Variants in MIB1 observed in about 807,000 individuals in gnomAD.
The protein encoded by MIB1 is E3 ubiquitin-protein ligase MIB1.
A neutral mutation model predicts 124.5 loss-of-function variants in MIB1; 278 were observed. The observed-to-expected ratio is 2.23, with a 90% CI of 2.02 to 2.47. The LOEUF is 2.47. Among genes scored for constraint, MIB1 ranks in the 30% most tolerant of loss-of-function variants. The pLI, the probability that MIB1 is intolerant of heterozygous loss-of-function variation, is 0.00. For synonymous variants in MIB1, 446 were observed against 429.4 expected (o/e 1.04, Z -0.48); for missense variants, 957 against 1,254.4 (o/e 0.76, Z 3.58).
At chr18:21,743,892 CTT>C (rs2040883994) in intron 1 of MIB1, among the ~76,000 whole-genome samples, 1 of 152,004 alleles carries the variant, frequency 6.6e-6, no homozygotes, top group East Asian at 1.9e-4. Flanking sequence ...GTTTTATTAT[CTT>C]AATATAAACG....
chr18:21,791,477 C>A lies in MIB1; in HGVS notation c.1012C>A (p.Leu338Ile). Residue 338 changes from leucine to isoleucine, a missense_variant, in exon 7 of 21, where the codon CTT becomes ATT. Coordinates refer to ENST00000261537, the MANE Select transcript of MIB1 (RefSeq NM_020774.4). ...GGTSQFQVGD[L>I]VQVCYDLERI... ...CACCTCGCAGTTTCAAGTGGGTGAT[C>A]TTGTACAAGTTTGTTATGACCTGGA... The A allele has an allele frequency of 6.2e-7, 1 of 1,614,052 alleles. No homozygotes were observed.
At chr18:21,810,082 A>C (rs1169967332) in intron 10 of MIB1, among the ~76,000 whole-genome samples, 1 of 152,156 alleles carries the variant, frequency 6.6e-6, no homozygotes, top group Non-Finnish European at 1.5e-5. Context: ...AACAATGAAC[A>C]GTCTGTTAAT....
At chr18:21,720,031 T>G (rs1252379409) in intron 1 of MIB1, among the ~76,000 whole-genome samples, 1 of 152,162 alleles carries the variant, frequency 6.6e-6, no homozygotes, top group Admixed American at 6.5e-5. Context: ...TTTGGTCACA[T>G]TTGAAGGATA....
intron 1 of MIB1, among the ~76,000 whole-genome samples, chr18:21,724,484 C>T (rs1429026420): frequency 6.7e-6 from 1 of 150,374 alleles, no homozygotes; most frequent in Non-Finnish European, 1.5e-5. Context: ...GCGAGTGGCT[C>T]ACTTGAGGTC....
At chr18:21,785,639 G>A (rs534161151) in intron 6 of MIB1, among the ~76,000 whole-genome samples, 36 of 152,214 alleles carry the variant, frequency 2.4e-4, no homozygotes, top group African/African-American at 8.7e-4. Flanking sequence ...AGAGTTATGA[G>A]GTGATTACAC....
chr18:21,708,172 T>A (rs2040648883), intron 1 of MIB1, among the ~76,000 whole-genome samples: 1 of 152,206 alleles, frequency 6.6e-6, no homozygotes, highest in African/African-American at 2.4e-5. Context: ...TAATATTTTA[T>A]GGCCATCATG....
intron 2 of MIB1, 105 bp downstream of exon 2, chr18:21,766,048 GT>G: frequency 1.8e-6 from 2 of 1,095,446 alleles, no homozygotes; most frequent in Non-Finnish European, 2.7e-6. Context: ...CTGACAGTTG[GT>G]TTACTAACAG....
rs2042312215 is a variant in MIB1 at position 21,865,316 on chromosome 18, T to C, written c.*650T>C. ...AGATTCAAAAGGAACATTGTTTAAC[T>C]TGAATCAGATTACCAGTTTCAAGGT... On this transcript the variant is annotated 3_prime_UTR_variant, in exon 21 of 21. Transcript: ENST00000261537. The C allele has an allele frequency of 6.6e-6, 1 of 152,144 alleles. No individual in the cohort carries two copies. Among genetic ancestry groups the C allele is most frequent in the Admixed American group, 6.6e-5 (1 of 15,266 alleles). 9.4% of individuals were successfully genotyped at this position (152,144 alleles called of 1,614,324 possible).
At chr18:21,838,191 CTTAAAAAAAAAA>C (rs1325634909) in intron 12 of MIB1, among the ~76,000 whole-genome samples, 162 bp from the exon 13 acceptor site, 1 of 151,356 alleles carries the variant, frequency 6.6e-6, no homozygotes, top group Admixed American at 6.6e-5. Flanking sequence ...GACCTCATCT[CTTAAAAAAAAAA>C]TTAAATTAAA....
chr18:21,743,419 C>A (rs1039459996), intron 1 of MIB1, among the ~76,000 whole-genome samples: 6 of 152,170 alleles, frequency 3.9e-5, no homozygotes, highest in African/African-American at 1.4e-4. Flanking sequence ...TTTATTATTT[C>A]ATGTTTTCTT....
chr18:21,763,998 A>G (rs1180853861), intron 1 of MIB1, among the ~76,000 whole-genome samples: 2 of 151,850 alleles, frequency 1.3e-5, no homozygotes, highest in South Asian at 2.1e-4. Flanking sequence ...TGGCATGAAC[A>G]TGGCTCTAAG....
At chr18:21,822,718 A>G (rs1344580617) in intron 12 of MIB1, among the ~76,000 whole-genome samples, 1 of 151,544 alleles carries the variant, frequency 6.6e-6, no homozygotes. Flanking sequence ...TTCCCCCCCT[A>G]TACTGTCCAG....
chr18:21,761,855 A>G (rs2041101093), intron 1 of MIB1, among the ~76,000 whole-genome samples: 2 of 152,162 alleles, frequency 1.3e-5, no homozygotes, highest in East Asian at 3.8e-4. Context: ...CATTTTAAGG[A>G]AAGTCTTTCT....
chr18:21,869,749 G>GA lies in MIB1; in HGVS notation c.*5084dup, dbSNP rs893913505. 3.9e-5 allele frequency: 6 copies of GA among 152,328 alleles called. No individual in the cohort carries two copies. Among genetic ancestry groups the GA allele is most frequent in the Non-Finnish European group, 7.4e-5 (5 of 67,874 alleles). 9.4% of individuals were successfully genotyped at this position (152,328 alleles called of 1,614,324 possible). On this transcript the variant is annotated 3_prime_UTR_variant, in exon 21 of 21. Coordinates refer to ENST00000261537, the MANE Select transcript of MIB1 (RefSeq NM_020774.4). Reference sequence around the variant, plus strand: ...ACAGTTTGCTATTTTAGTATGAAAGGAGGATCTGTTTGGGAAACATAGATT... The same window carrying GA: ...ACAGTTTGCTATTTTAGTATGAAAGGAAGGATCTGTTTGGGAAACATAGATT...
At chr18:21,757,931 G>A (rs987339204) in intron 1 of MIB1, among the ~76,000 whole-genome samples, 3 of 152,134 alleles carry the variant, frequency 2.0e-5, no homozygotes, top group African/African-American at 7.2e-5. Flanking sequence ...TCCATGCTAG[G>A]TGCGGAAGAA....
At chr18:21,844,451 T>A (rs1846530491) in intron 15 of MIB1, among the ~76,000 whole-genome samples, 198 bp downstream of exon 15, 1 of 151,860 alleles carries the variant, frequency 6.6e-6, no homozygotes, top group South Asian at 2.1e-4. Flanking sequence ...TCAGTTCTGT[T>A]GTTGTTGTTG....
At chr18:21,785,692 T>C (rs2041427182) in intron 6 of MIB1, among the ~76,000 whole-genome samples, 1 of 152,216 alleles carries the variant, frequency 6.6e-6, no homozygotes, top group Non-Finnish European at 1.5e-5. Context: ...TCTGTGTAAT[T>C]ACTTTTACCA....
At chr18:21,730,050 C>T (rs571912662) in intron 1 of MIB1, among the ~76,000 whole-genome samples, 11 of 152,166 alleles carry the variant, frequency 7.2e-5, no homozygotes, top group Non-Finnish European at 1.5e-4. Context: ...AAGAACTAGC[C>T]ATCTATGCCA....
At chr18:21,767,643 G>A (rs1319750899) in intron 2 of MIB1, among the ~76,000 whole-genome samples, 2 of 151,982 alleles carry the variant, frequency 1.3e-5, no homozygotes, top group Non-Finnish European at 2.9e-5. Flanking sequence ...CGCCTCCCAG[G>A]TTCACGCCAT....
Sources: allele counts gnomAD v4.1 joint callset (sites outside exome capture counted in the v4.1 genomes callset), GRCh38; gene constraint gnomAD v4.1.1; transcripts MANE v1.5; gene names NCBI Gene and HGNC (gene_info 2026-07-23, HGNC 2026-07-21).